POLDIP3: variants seen among roughly 807,000 people sequenced by gnomAD.
POLDIP3 encodes the protein polymerase delta-interacting protein 3.
In POLDIP3, 14 loss-of-function variants were observed where a neutral mutation model predicts 45.1. That is an observed-to-expected ratio of 0.31 (90% CI 0.20 to 0.49). The LOEUF is 0.49. POLDIP3 is among the 20% of genes least tolerant of loss of function. The pLI, the probability that POLDIP3 is intolerant of heterozygous loss-of-function variation, is 0.99. For missense variants in POLDIP3, 511 were observed against 538.8 expected (o/e 0.95, Z 0.51); for synonymous variants, 223 against 205.2 (o/e 1.09, Z -0.74).
chr22:42,604,728 G>A, intron 1 of POLDIP3, among the ~76,000 whole-genome samples: 1 of 152,164 alleles, frequency 6.6e-6, no homozygotes, highest in East Asian at 1.9e-4. Flanking sequence ...ACCAATAAAA[G>A]CAAACGTGGA....
At chr22:42,611,986 G>A (rs969062223) in intron 1 of POLDIP3, among the ~76,000 whole-genome samples, 1 of 152,228 alleles carries the variant, frequency 6.6e-6, no homozygotes, top group African/African-American at 2.4e-5. Flanking sequence ...ACTGGATCTA[G>A]TTTTTCTTTG....
At chr22:42,610,462 G>C (rs1927052691) in intron 1 of POLDIP3, among the ~76,000 whole-genome samples, 2 of 152,124 alleles carry the variant, frequency 1.3e-5, no homozygotes, top group Admixed American at 1.3e-4. Flanking sequence ...CCAGAGAGCT[G>C]CTCAACTCCA....
At chr22:42,590,598 T>A (rs758773630) in intron 7 of POLDIP3, among the ~76,000 whole-genome samples, 2 of 152,226 alleles carry the variant, frequency 1.3e-5, no homozygotes, top group Non-Finnish European at 2.9e-5. Context: ...GTCATATATG[T>A]GGTCTGCTGT....
chr22:42,585,989 T>G (rs1234575267), intron 8 of POLDIP3, 21 bp from the exon 9 acceptor site: 1 of 1,573,408 alleles, frequency 6.4e-7, no homozygotes, highest in Non-Finnish European at 8.6e-7. Flanking sequence ...CAGAGAAGAG[T>G]CAAAAATTCT....
chr22:42,593,263 T>C (rs1925779107), intron 6 of POLDIP3, among the ~76,000 whole-genome samples: 1 of 152,254 alleles, frequency 6.6e-6, no homozygotes, highest in African/African-American at 2.4e-5. Context: ...AATCCACAGA[T>C]GCAGAACCGA....
chr22:42,593,859 A>T (rs757356503), intron 6 of POLDIP3, among the ~76,000 whole-genome samples: 8 of 152,188 alleles, frequency 5.3e-5, no homozygotes, highest in Non-Finnish European at 1.0e-4. Flanking sequence ...TATTACACAA[A>T]ATAGGCTACA....
chr22:42,591,672 G>A (rs1381506669), intron 7 of POLDIP3, among the ~76,000 whole-genome samples: 1 of 152,230 alleles, frequency 6.6e-6, no homozygotes, highest in Non-Finnish European at 1.5e-5. Flanking sequence ...CAACAGCTGT[G>A]CCTCTTGGCT....
chr22:42,586,028 A>G (rs1925290426), intron 8 of POLDIP3, 60 bp from the exon 9 acceptor site: 1 of 1,478,026 alleles, frequency 6.8e-7, no homozygotes, highest in African/African-American at 1.4e-5. Context: ...TGGGGAGGGG[A>G]CCCACCATTT....
chr22:42,586,352 C>T (rs143134808), intron 8 of POLDIP3, among the ~76,000 whole-genome samples: 16 of 151,768 alleles, frequency 1.1e-4, no homozygotes, highest in Non-Finnish European at 1.9e-4. Context: ...TTTTTTGAGA[C>T]AGAATCTCAC....
chr22:42,609,473 A>G (rs371176759), intron 1 of POLDIP3, among the ~76,000 whole-genome samples: 12 of 152,276 alleles, frequency 7.9e-5, no homozygotes, highest in Middle Eastern at 3.4e-3. Flanking sequence ...ATGACCAGGG[A>G]GGGTCTGTCT....
chr22:42,584,473 T>A lies in POLDIP3; in HGVS notation c.*1318A>T, dbSNP rs74760709. On this transcript the variant is annotated 3_prime_UTR_variant, in exon 9 of 9. Coordinates refer to ENST00000252115, the MANE Select transcript of POLDIP3 (RefSeq NM_032311.5). Reference sequence around the variant, plus strand: ...TTGAGTATCTTCGGCATGTGCCTTTTCCAGCACTTGCTACTGATTTTGCAG... The same window carrying A: ...TTGAGTATCTTCGGCATGTGCCTTTACCAGCACTTGCTACTGATTTTGCAG... The A allele has an allele frequency of 5.8e-6, 1 of 172,650 alleles. No individual in the cohort carries two copies. The highest frequency in any genetic ancestry group is 1.1e-4 in the South Asian group (1 of 8,712). The allele number at this position is 172,650 out of a possible 1,614,324, so 10.7% of individuals were successfully genotyped here. A position where few individuals can be genotyped will look rare whatever the true frequency, so the allele number is the denominator to read the frequency against.
At chr22:42,591,854 G>T in intron 7 of POLDIP3, 101 bp downstream of exon 7, 1 of 1,493,888 alleles carries the variant, frequency 6.7e-7, no homozygotes, top group Non-Finnish European at 9.2e-7. Context: ...CCCAGAGATG[G>T]GTTCCACCCA....
At chr22:42,590,050 T>C (rs1258233193) in intron 7 of POLDIP3, among the ~76,000 whole-genome samples, 1 of 152,000 alleles carries the variant, frequency 6.6e-6, no homozygotes, top group African/African-American at 2.4e-5. Flanking sequence ...TATATGGAAA[T>C]TGAAACAATC....
rs1414098022 is a variant in POLDIP3 at position 42,607,910 on chromosome 22, G to A, written c.60-4750C>T. On this transcript the variant is annotated intron_variant, in intron 1 of 8. Coordinates refer to ENST00000252115, the MANE Select transcript of POLDIP3 (RefSeq NM_032311.5). ...TGGGAAGTGAGGAGCGTCTCCGCCC[G>A]GCAGCCGCCCCGTCTGGGAGGGAGG... is the stretch of plus-strand genomic sequence containing the variant. 7.9e-5 allele frequency among the ~76,000 whole-genome samples: 12 copies of A among 151,190 alleles called. No homozygotes were observed. In the East Asian group the frequency reaches 9.8e-4, roughly 12 times the overall value.
intron 7 of POLDIP3, 71 bp downstream of exon 7, chr22:42,591,884 G>A: frequency 9.4e-6 from 15 of 1,595,274 alleles, no homozygotes; most frequent in Non-Finnish European, 1.3e-5. Flanking sequence ...GACTTCCCCT[G>A]GAAGGCCTGC....
chr22:42,606,834 G>T (rs1295828650), intron 1 of POLDIP3, among the ~76,000 whole-genome samples: 3 of 152,140 alleles, frequency 2.0e-5, no homozygotes, highest in Non-Finnish European at 4.4e-5. Flanking sequence ...TCAGAACCAA[G>T]GAGATTAACT....
chr22:42,611,177 T>A (rs1229146086), intron 1 of POLDIP3, among the ~76,000 whole-genome samples: 1 of 152,220 alleles, frequency 6.6e-6, no homozygotes, highest in African/African-American at 2.4e-5. Context: ...CTTTCTTTTT[T>A]AAAGAGATGA....
chr22:42,595,418 G>A (rs1235970450), intron 6 of POLDIP3, 119 bp downstream of exon 6: 18 of 866,298 alleles, frequency 2.1e-5, no homozygotes, highest in South Asian at 2.9e-5. Flanking sequence ...AGCCCTGAGC[G>A]TGACTATATG....
At chr22:42,607,833 G>A (rs1427006565) in intron 1 of POLDIP3, among the ~76,000 whole-genome samples, 2 of 148,472 alleles carry the variant, frequency 1.3e-5, no homozygotes, top group Non-Finnish European at 1.5e-5. Flanking sequence ...TTCTCTGCCC[G>A]GCCACCCCGT....
Sources: gnomAD v4.1 joint callset for allele counts (sites outside exome capture counted in the v4.1 genomes callset) on GRCh38, gnomAD v4.1.1 for gene constraint, MANE v1.5 for transcripts, NCBI Gene and HGNC (gene_info 2026-07-23, HGNC 2026-07-21) for gene names.